The following SEMA5B variants were observed in gnomAD, a reference collection of about 807,000 sequenced individuals.
SEMA5B encodes the protein semaphorin 5B.
SEMA5B carries 66 observed loss-of-function variants against 135.0 expected under a neutral mutation model. The observed-to-expected ratio is 0.49, with a 90% confidence interval of 0.40 to 0.60. SEMA5B has a LOEUF of 0.60. SEMA5B is among the 20% of genes least tolerant of loss of function. The pLI is 0.00. For missense variants in SEMA5B, 1,501 were observed against 1,566.3 expected (o/e 0.96, Z 0.70); for synonymous variants, 690 against 639.5 (o/e 1.08, Z -1.19).
chr3:122,939,202 C>A (rs1312329278), intron 5 of SEMA5B, among the ~76,000 whole-genome samples: 1 of 152,248 alleles, frequency 6.6e-6, no homozygotes, highest in Non-Finnish European at 1.5e-5. Context: ...GATGCAAGAG[C>A]CTTGTGTGCC....
At chr3:123,013,689 C>T (rs1942488526) in intron 1 of SEMA5B, among the ~76,000 whole-genome samples, 1 of 152,228 alleles carries the variant, frequency 6.6e-6, no homozygotes, top group Admixed American at 6.5e-5. Flanking sequence ...ATCTAGCTCT[C>T]TTCCCTGCTC....
intron 1 of SEMA5B, among the ~76,000 whole-genome samples, chr3:122,970,953 G>A (rs761277018): frequency 6.6e-6 from 1 of 152,222 alleles, no homozygotes; most frequent in Non-Finnish European, 1.5e-5. Context: ...TCCATCAGGG[G>A]CATTTCACAG....
chr3:123,008,396 G>A (rs1207488694), intron 1 of SEMA5B, among the ~76,000 whole-genome samples: 3 of 152,226 alleles, frequency 2.0e-5, no homozygotes, highest in Non-Finnish European at 4.4e-5. Flanking sequence ...TTCGGCACCT[G>A]TAGATGCACA....
chr3:122,955,008 C>G (rs1940222591), intron 2 of SEMA5B, among the ~76,000 whole-genome samples: 1 of 150,994 alleles, frequency 6.6e-6, no homozygotes, highest in African/African-American at 2.4e-5. Flanking sequence ...CACTGTGTTG[C>G]CCTGGCTGGT....
intron 2 of SEMA5B, among the ~76,000 whole-genome samples, chr3:122,958,654 C>G (rs1267794217): frequency 1.3e-5 from 2 of 152,190 alleles, no homozygotes; most frequent in Non-Finnish European, 2.9e-5. Flanking sequence ...CTCTTTTCTT[C>G]CCTTTTAGAC....
chr3:122,963,327 T>C lies in SEMA5B; in HGVS notation c.-38-2026A>G, dbSNP rs2107612601. On this transcript the variant is annotated intron_variant, in intron 1 of 22. Transcript: ENST00000357599. ...GCCTGACTAACATGGTGAAACCCCATCTCTACTAACAAACAAGTTACCAGG... is the reference window on the plus strand; with the variant it reads ...GCCTGACTAACATGGTGAAACCCCACCTCTACTAACAAACAAGTTACCAGG... Among the ~76,000 whole-genome samples, 3 of 152,116 alleles carry C rather than the reference T, an allele frequency of 2.0e-5. No individual in the cohort carries two copies. In the Middle Eastern group the frequency reaches 0.01, roughly 517 times the overall value.
intron 14 of SEMA5B, 33 bp downstream of exon 14, chr3:122,915,407 G>T: frequency 1.3e-6 from 2 of 1,571,862 alleles, no homozygotes; most frequent in South Asian, 1.2e-5. Context: ...CCTGGTCCAA[G>T]GCAGACACCA....
At chr3:122,954,970 GT>G (rs56870893) in intron 2 of SEMA5B, among the ~76,000 whole-genome samples, 34,087 of 141,692 alleles carry the variant, frequency 0.24, 3,916 homozygotes, top group South Asian at 0.39. Flanking sequence ...TTTGTTTTTT[GT>G]TTTTTTTTTT....
intron 1 of SEMA5B, among the ~76,000 whole-genome samples, chr3:122,972,624 A>G (rs751421905): frequency 2.6e-5 from 4 of 152,304 alleles, no homozygotes; most frequent in Non-Finnish European, 5.9e-5. Flanking sequence ...CACTGGGGAG[A>G]GAGACCCCCA....
rs538917894 is a variant in SEMA5B, at chr3:122,961,065, G to A, written c.124+75C>T. On this transcript the variant is annotated intron_variant, in intron 2 of 22. Transcript: ENST00000357599. ...GAGGTATGCTGATGATGCCCCAGAT[G>A]AGGGGGTCTTCTCCCTGCTCTCCCC... 7 of 1,455,820 alleles carry A rather than the reference G, an allele frequency of 4.8e-6. No homozygotes were observed. The South Asian group carries it at 6.9e-5, about 14-fold the overall frequency. 90.2% of individuals were successfully genotyped at this position (1,455,820 alleles called of 1,614,324 possible).
chr3:123,012,371 C>T (rs1270044706), intron 1 of SEMA5B, among the ~76,000 whole-genome samples: 1 of 152,098 alleles, frequency 6.6e-6, no homozygotes, highest in African/African-American at 2.4e-5. Flanking sequence ...CCTCTGTGCC[C>T]CTGGAGGAGG....
chr3:123,007,956 G>T (rs1942350641), intron 1 of SEMA5B, among the ~76,000 whole-genome samples: 1 of 152,186 alleles, frequency 6.6e-6, no homozygotes, highest in Admixed American at 6.5e-5. Context: ...GAAAGACACA[G>T]AAAATGTATA....
chr3:122,927,192 C>G (rs1396360957), intron 8 of SEMA5B, among the ~76,000 whole-genome samples: 1 of 152,156 alleles, frequency 6.6e-6, no homozygotes. Context: ...CCCTCCCTCT[C>G]TTTCTTTTTT....
chr3:122,948,826 T>C, intron 2 of SEMA5B, 117 bp from the exon 3 acceptor site: 2 of 829,262 alleles, frequency 2.4e-6, no homozygotes. Flanking sequence ...CTATTGTATT[T>C]ATGTTACTCA....
chr3:122,924,472 TCCTAATCCATTCTCC>T (rs1938524958), intron 9 of SEMA5B, among the ~76,000 whole-genome samples: 1 of 152,208 alleles, frequency 6.6e-6, no homozygotes, highest in Admixed American at 6.5e-5. Flanking sequence ...CTGTCTAGTA[TCCTAATCCATTCTCC>T]ACATGGCAGC....
At chr3:122,928,676 A>C in intron 6 of SEMA5B, 61 bp from the exon 7 acceptor site, 137 of 1,212,076 alleles carry the variant, frequency 1.1e-4, no homozygotes, top group Middle Eastern at 1.9e-4. Context: ...TGGATATCTC[A>C]CGCTCACACC....
chr3:122,928,439 C>A, intron 7 of SEMA5B, 78 bp downstream of exon 7: 2 of 1,146,112 alleles, frequency 1.7e-6, no homozygotes, highest in Non-Finnish European at 2.4e-6. Flanking sequence ...TGGTAACCCC[C>A]CTTCAAGGCT....
At chr3:122,911,640 G>T in intron 20 of SEMA5B, 105 bp from the exon 21 acceptor site, 3 of 1,171,268 alleles carry the variant, frequency 2.6e-6, no homozygotes, top group Non-Finnish European at 3.6e-6. Context: ...ACGCTCAGAC[G>T]TAGGACTAGG....
chr3:123,024,005 C>T (rs1942747985), intron 1 of SEMA5B, among the ~76,000 whole-genome samples: 1 of 152,240 alleles, frequency 6.6e-6, no homozygotes, highest in Non-Finnish European at 1.5e-5. Context: ...GGCACCAGAA[C>T]TCAGCTCTGG....
Sources: gnomAD v4.1 joint callset for allele counts (sites outside exome capture counted in the v4.1 genomes callset) on GRCh38, gnomAD v4.1.1 for gene constraint, MANE v1.5 for transcripts, NCBI Gene and HGNC (gene_info 2026-07-23, HGNC 2026-07-21) for gene names.